The following HAS3 variants were observed in gnomAD, a reference collection of about 807,000 sequenced individuals.
HAS3 encodes the protein hyaluronan synthase 3.
HAS3 carries 27 observed loss-of-function variants against 50.3 expected under a neutral mutation model. That is an observed-to-expected ratio of 0.54 (90% confidence interval 0.40 to 0.74). HAS3 has a LOEUF of 0.74. Among genes scored for constraint, HAS3 ranks in the 30% least tolerant of loss-of-function variants. The pLI is 0.00. For synonymous variants in HAS3, 339 were observed against 310.9 expected (o/e 1.09, Z -0.95); for missense variants, 517 against 742.8 (o/e 0.70, Z 3.53).
chr16:69,112,573 T>A (rs1384310259), intron 2 of HAS3, among the ~76,000 whole-genome samples: 1 of 152,220 alleles, frequency 6.6e-6, no homozygotes, highest in Admixed American at 6.5e-5. Context: ...TATCTGTGGA[T>A]CTCTTTGTTG....
chr16:69,111,886 C>T (rs1297278882), intron 2 of HAS3, among the ~76,000 whole-genome samples: 1 of 152,248 alleles, frequency 6.6e-6, no homozygotes, highest in Non-Finnish European at 1.5e-5. Flanking sequence ...TGCCATCTCC[C>T]TTTCCTGGCC....
chr16:69,111,157 ATTTTTTTTTTTTTTTT>A (rs71148963), intron 2 of HAS3, among the ~76,000 whole-genome samples: 955 of 62,436 alleles, frequency 0.015, 70 homozygotes, highest in Admixed American at 0.12. Flanking sequence ...CTAGGCCAGG[ATTTTTTTTTTTTTTTT>A]TTTTTTTTTT....
At position 69,115,243 on chromosome 16, in the gene HAS3, A is replaced by G. The variant is rs1961143250; in HGVS notation, c.1639A>G (p.Ser547Gly). The G allele has an allele frequency of 6.6e-7, 1 of 1,524,986 alleles. No homozygotes were observed. The highest frequency in any genetic ancestry group is 1.4e-5 in the African/African-American group (1 of 72,026). The allele number at this position is 1,524,986 out of a possible 1,614,324, so 94.5% of individuals were successfully genotyped here. Residue 547 changes from serine to glycine, a missense_variant, in exon 4 of 4, where the codon AGC becomes GGC. Ser to Gly is a moderately conservative substitution (Grantham distance 56). Coordinates refer to ENST00000569188, the MANE Select transcript of HAS3 (RefSeq NM_001199280.2). The stretch of plus-strand genomic sequence containing the variant: ...ATGTGGGAAGAAGCCGGAGCAGTAC[A>G]GCTTGGCTTTTGCTGAGGTGTGACA... ...RRCGKKPEQYSLAFAEV is the reference protein window; with the variant it reads ...RRCGKKPEQYGLAFAEV
At chr16:69,101,995 A>G (rs980987369), upstream of HAS3, among the ~76,000 whole-genome samples, 4 of 152,194 alleles carry the variant, frequency 2.6e-5, no homozygotes, top group African/African-American at 9.6e-5. Context: ...CATGTTGGCC[A>G]GGCTGGTCTT....
At chr16:69,110,489 C>T (rs924491771) in intron 2 of HAS3, among the ~76,000 whole-genome samples, 6 of 152,110 alleles carry the variant, frequency 3.9e-5, no homozygotes, top group Non-Finnish European at 5.9e-5. Context: ...ATGATCAATA[C>T]GCACTATAGC....
rs2232229 is a variant in HAS3, at chr16:69,109,913, G to A, written c.518G>A (p.Arg173His). 37,868 of 1,614,012 alleles carry A rather than the reference G, an allele frequency of 0.023. 475 individuals are homozygous for A. The highest frequency in any genetic ancestry group is 0.026 in the Non-Finnish European group (31,043 of 1,179,992). ...TEASLQEGMDRVRDVVRASTF... is the reference protein window; with the variant it reads ...TEASLQEGMDHVRDVVRASTF... Reference sequence around the variant, plus strand: ...GCCAGCCTGCAGGAGGGCATGGACCGTGTGCGGGATGTGGTGCGGGCCAGC... The same window carrying A: ...GCCAGCCTGCAGGAGGGCATGGACCATGTGCGGGATGTGGTGCGGGCCAGC... Residue 173 changes from arginine (R) to histidine (H), a missense_variant, in exon 2 of 4, where the codon CGT becomes CAT. Physicochemically the swap from Arg to His is conservative, Grantham distance 29 (BLOSUM62 0). Coordinates refer to ENST00000569188, the MANE Select transcript of HAS3 (RefSeq NM_001199280.2). This position sits in a 1 kb window ranked among gnomAD's most constrained non-coding sequence, Gnocchi z 5.3.
rs997932716 is a variant in HAS3 at position 69,116,541 on chromosome 16, A to C, written c.*1275A>C. 10 of 985,500 alleles carry C rather than the reference A, an allele frequency of 1.0e-5. No homozygotes were observed. Among genetic ancestry groups the C allele is most frequent in the Non-Finnish European group, 4.8e-6 (4 of 829,756 alleles). The allele number at this position is 985,500 out of a possible 1,614,324, so 61.0% of individuals were successfully genotyped here. On this transcript the variant is annotated 3_prime_UTR_variant, in exon 4 of 4. Coordinates refer to ENST00000569188, the MANE Select transcript of HAS3 (RefSeq NM_001199280.2). The stretch of plus-strand genomic sequence containing the variant: ...ATCTTTGAGACCATCCATTCTCCTC[A>C]GTGGCTTCTCCAGGGAATTCTTACA...
the HAS3 span, among the ~76,000 whole-genome samples, chr16:69,098,661 G>GTTTT: frequency 8.3e-6 from 1 of 120,970 alleles, no homozygotes; most frequent in African/African-American, 3.3e-5. Context: ...TATCAAACCT[G>GTTTT]ATTTTTTTTT....
intron 2 of HAS3, among the ~76,000 whole-genome samples, chr16:69,113,108 G>C (rs891842038): frequency 3.0e-4 from 46 of 152,152 alleles, no homozygotes; most frequent in Non-Finnish European, 2.9e-5. Flanking sequence ...CCTGCCATCT[G>C]ATTTCAGTGA....
upstream of HAS3, among the ~76,000 whole-genome samples, chr16:69,101,171 A>G (rs1474506056): frequency 2.6e-5 from 4 of 152,122 alleles, no homozygotes; most frequent in Admixed American, 1.3e-4. Flanking sequence ...ATACAATTCA[A>G]ACTCCTTATT....
chr16:69,115,271 G>T lies in HAS3; in HGVS notation c.*5G>T, dbSNP rs762308758. 12 of 1,514,184 alleles carry T rather than the reference G, an allele frequency of 7.9e-6. No homozygotes were observed. The highest frequency in any genetic ancestry group is 1.1e-5 in the Non-Finnish European group (12 of 1,133,430). The allele number at this position is 1,514,184 out of a possible 1,614,324, so 93.8% of individuals were successfully genotyped here. ...TTGGCTTTTGCTGAGGTGTGACATG[G>T]CCCCCAAGCAGAGCGGGTAAAGTGC... On this transcript the variant is annotated 3_prime_UTR_variant, in exon 4 of 4. Coordinates refer to ENST00000569188, the MANE Select transcript of HAS3 (RefSeq NM_001199280.2).
upstream of HAS3, among the ~76,000 whole-genome samples, chr16:69,101,564 T>C (rs146579051): frequency 7.9e-5 from 12 of 152,136 alleles, no homozygotes; most frequent in East Asian, 2.1e-3. Context: ...CTCTTGGCTG[T>C]CCTCTAAACA....
Position 69,107,887 on chromosome 16 carries a change from C to T in HAS3, c.1-1509C>T, listed in dbSNP as rs1960861871. 1.3e-5 allele frequency among the ~76,000 whole-genome samples: 2 copies of T among 152,240 alleles called. No individual in the cohort carries two copies. Among genetic ancestry groups the T allele is most frequent in the Admixed American group, 1.3e-4 (2 of 15,292 alleles). ...GCGCTTCCCGGAGAGGCTAGGCTGC[C>T]AGCAGCTCTTTTCGGGCCAACGCTG... On this transcript the variant is annotated intron_variant, in intron 1 of 3. Transcript: ENST00000569188. This position sits in a 1 kb window ranked among gnomAD's most constrained non-coding sequence, Gnocchi z 5.5.
Position 69,107,266 on chromosome 16 carries a change from G to T in HAS3, c.-1+1479G>T, listed in dbSNP as rs1960832640. 1.4e-5 allele frequency: 13 copies of T among 916,894 alleles called. No individual in the cohort carries two copies. The highest frequency in any genetic ancestry group is 1.7e-5 in the Non-Finnish European group (13 of 767,224). 56.8% of individuals were successfully genotyped at this position (916,894 alleles called of 1,614,324 possible). On this transcript the variant is annotated intron_variant, in intron 1 of 3. Transcript: ENST00000569188. The surrounding 1 kb of genome is among the most constrained non-coding windows in gnomAD (Gnocchi z 5.5). ...GACATTTTGGGGGCCTCTATTTGGGGGTGGGGGTAGTAACCTGGGTAATGC... is the reference window on the plus strand; with the variant it reads ...GACATTTTGGGGGCCTCTATTTGGGTGTGGGGGTAGTAACCTGGGTAATGC...
rs539555940 is a variant in HAS3, at chr16:69,113,510, C to T, written c.706C>T (p.Pro236Ser). 1 of 1,612,306 alleles carries T rather than the reference C, an allele frequency of 6.2e-7. No homozygotes were observed. The highest frequency in any genetic ancestry group is 8.5e-7 in the Non-Finnish European group (1 of 1,178,648). ...IEMLRVLEED[P>S]QVGGVGGDVQ... ...GATGCTTCGAGTCCTGGAGGAGGAT[C>T]CCCAAGTAGGGGGAGTCGGGGGAGA... Residue 236 changes from proline (P) to serine (S), a missense_variant, in exon 3 of 4, where the codon CCC becomes TCC. Pro to Ser is a moderately conservative substitution (Grantham distance 74, BLOSUM62 -1). Coordinates refer to ENST00000569188, the MANE Select transcript of HAS3 (RefSeq NM_001199280.2).
chr16:69,087,878 AT>A, the HAS3 span, among the ~76,000 whole-genome samples: 1 of 149,410 alleles, frequency 6.7e-6, no homozygotes, highest in Non-Finnish European at 1.5e-5. Flanking sequence ...ATTTTTTTGT[AT>A]TTTTAGTAGA....
At chr16:69,105,864 G>A (rs910213493) in intron 1 of HAS3, 77 bp downstream of exon 1, 1 of 152,294 alleles carries the variant, frequency 6.6e-6, no homozygotes, top group African/African-American at 2.4e-5. Flanking sequence ...GTCCCTGCGT[G>A]GTATCTGGAA....
Position 69,117,280 on chromosome 16 carries a change from C to T in HAS3, c.*2014C>T. The T allele has an allele frequency of 1.0e-6, 1 of 985,864 alleles. No homozygotes were observed. The highest frequency in any genetic ancestry group is 1.2e-6 in the Non-Finnish European group (1 of 829,900). The allele number at this position is 985,864 out of a possible 1,614,324, so 61.1% of individuals were successfully genotyped here. On this transcript the variant is annotated 3_prime_UTR_variant, in exon 4 of 4. Coordinates refer to ENST00000569188, the MANE Select transcript of HAS3 (RefSeq NM_001199280.2). ...GAAGATTAATGTAGGATGACAGGCT[C>T]TCCTGGCTGTCCTACCATCAGCTCT...
chr16:69,117,789 C>T (rs1961261346), downstream of HAS3: 3 of 231,174 alleles, frequency 1.3e-5, no homozygotes, highest in African/African-American at 2.3e-5. Context: ...CTGGTAACTA[C>T]ACCCATGGGG....
Sources: gnomAD v4.1 joint callset for allele counts (sites outside exome capture counted in the v4.1 genomes callset) on GRCh38, gnomAD v4.1.1 for gene constraint, Gnocchi (gnomAD v3.1) non-coding constraint, MANE v1.5 for transcripts, NCBI Gene and HGNC (gene_info 2026-07-23, HGNC 2026-07-21) for gene names.